Variants in CTNNA2 observed in about 807,000 individuals in gnomAD.
CTNNA2 encodes the protein catenin alpha 2.
A neutral mutation model predicts 101.0 loss-of-function variants in CTNNA2; 42 were observed. The observed-to-expected ratio is 0.42, with a 90% CI of 0.32 to 0.54. The LOEUF (loss-of-function observed/expected upper bound fraction) is 0.54. Ranked by LOEUF, CTNNA2 falls within the 20% of genes least tolerant of loss-of-function variation. The probability of loss-of-function intolerance (pLI) is 0.14; values close to 1 mark genes in which losing one functional copy is unlikely to be tolerated. For missense variants in CTNNA2, 871 were observed against 1,223.1 expected, an observed-to-expected ratio of 0.71 and a Z score of 4.29; for synonymous variants, 450 against 456.4, an observed-to-expected ratio of 0.99 and a Z score of 0.18.
chr2:79,756,457 T>C (rs1672405858), intron 3 of CTNNA2, among the ~76,000 whole-genome samples: 1 of 152,174 alleles, frequency 6.6e-6, no homozygotes, highest in African/African-American at 2.4e-5. Context: ...GAATATTACA[T>C]TTTGAGATGA....
At chr2:80,512,876 GC>G (rs1462053663) in intron 9 of CTNNA2, among the ~76,000 whole-genome samples, 35 of 151,780 alleles carry the variant, frequency 2.3e-4, no homozygotes, top group Non-Finnish European at 8.8e-5. Flanking sequence ...CTTTTGGAGG[GC>G]CGTTGTAATC....
chr2:80,078,789 TCAGCCCTTACCC>T (rs1197071992), intron 7 of CTNNA2, among the ~76,000 whole-genome samples: 2 of 152,206 alleles, frequency 1.3e-5, no homozygotes, highest in Non-Finnish European at 1.5e-5. Context: ...CATTTGGTGC[TCAGCCCTTACCC>T]CCTATGTTTT....
At chr2:79,204,600 C>G (rs1263761628) in intron 2 of CTNNA2, among the ~76,000 whole-genome samples, 1 of 152,100 alleles carries the variant, frequency 6.6e-6, no homozygotes, top group African/African-American at 2.4e-5. Flanking sequence ...TTGTGTTAGT[C>G]CTCTTTGTGC....
chr2:80,145,333 C>T (rs368811790), intron 7 of CTNNA2, among the ~76,000 whole-genome samples: 3 of 152,202 alleles, frequency 2.0e-5, no homozygotes, highest in South Asian at 2.1e-4. Context: ...GTCATTCATC[C>T]AACAAATATT....
chr2:80,190,625 G>A (rs139127608), intron 7 of CTNNA2, among the ~76,000 whole-genome samples: 3 of 152,254 alleles, frequency 2.0e-5, no homozygotes, highest in East Asian at 1.9e-4. Context: ...GTTATTCTAA[G>A]GGTATGCTGA....
chr2:79,221,553 C>T (rs927855022), intron 2 of CTNNA2, among the ~76,000 whole-genome samples: 1 of 152,172 alleles, frequency 6.6e-6, no homozygotes, highest in Admixed American at 6.5e-5. Context: ...TTATAATCAT[C>T]CTCATAAAAT....
chr2:80,399,591 A>G (rs1280966445), intron 8 of CTNNA2, among the ~76,000 whole-genome samples: 4 of 152,196 alleles, frequency 2.6e-5, no homozygotes, highest in Non-Finnish European at 5.9e-5. Context: ...AGCTTCAACT[A>G]CTGATTTATT....
intron 10 of CTNNA2, among the ~76,000 whole-genome samples, 159 bp downstream of exon 10, chr2:80,545,233 T>C (rs1691939784): frequency 6.6e-6 from 1 of 152,222 alleles, no homozygotes; most frequent in African/African-American, 2.4e-5. Flanking sequence ...GAATAAACCA[T>C]ACCAGTCTCT....
At chr2:79,785,562 AG>A (rs1305783032) in intron 3 of CTNNA2, among the ~76,000 whole-genome samples, 2 of 149,234 alleles carry the variant, frequency 1.3e-5, no homozygotes, top group African/African-American at 4.9e-5. Context: ...TTTTCCCCAC[AG>A]GAAAATGATT....
intron 7 of CTNNA2, among the ~76,000 whole-genome samples, chr2:80,227,213 G>C (rs1708938386): frequency 6.6e-6 from 1 of 152,078 alleles, no homozygotes; most frequent in Non-Finnish European, 1.5e-5. Flanking sequence ...ATTTTCATGG[G>C]CCTGTGTTTC....
At chr2:79,865,780 C>T (rs1442980333) in intron 4 of CTNNA2, among the ~76,000 whole-genome samples, 1 of 152,208 alleles carries the variant, frequency 6.6e-6, no homozygotes, top group Non-Finnish European at 1.5e-5. Flanking sequence ...AGTGCAGTGG[C>T]GCGATCTCGG....
intron 18 of CTNNA2, among the ~76,000 whole-genome samples, chr2:80,623,074 G>A (rs571803152): frequency 7.1e-6 from 1 of 140,088 alleles, no homozygotes; most frequent in Admixed American, 7.3e-5. Context: ...AAAAGTTCAA[G>A]CAGAAGTTAG....
intron 4 of CTNNA2, among the ~76,000 whole-genome samples, chr2:79,495,146 C>A (rs888960334): frequency 6.6e-6 from 1 of 152,006 alleles, no homozygotes; most frequent in African/African-American, 2.4e-5. Flanking sequence ...AAAACAACAA[C>A]TTTTGCGCTG....
chr2:79,704,792 C>T lies in CTNNA2; in HGVS notation c.103-39595C>T, dbSNP rs376193306. On this transcript the variant is annotated intron_variant, in intron 2 of 18. Transcript: ENST00000402739. ...CCTCCCAAAGTGTTCACTTGTGCTT[C>T]TTTAAAATCGAAGAATCATAAAAAG... Among the ~76,000 whole-genome samples, 10 of 152,216 alleles carry T rather than the reference C, an allele frequency of 6.6e-5. No individual in the cohort carries two copies. In the South Asian group the frequency reaches 1.5e-3, roughly 22 times the overall value.
chr2:80,318,617 A>G (rs984867575), intron 7 of CTNNA2, among the ~76,000 whole-genome samples: 1 of 152,238 alleles, frequency 6.6e-6, no homozygotes, highest in South Asian at 2.1e-4. Flanking sequence ...GGAAACATGC[A>G]ATACAAAACT....
intron 7 of CTNNA2, among the ~76,000 whole-genome samples, chr2:79,925,905 A>G (rs769002908): frequency 6.6e-5 from 10 of 151,840 alleles, no homozygotes; most frequent in Non-Finnish European, 1.3e-4. Context: ...TACCCAGATA[A>G]TTGACAGGGA....
intron 1 of CTNNA2, among the ~76,000 whole-genome samples, chr2:79,599,301 A>G (rs530016192): frequency 2.0e-5 from 3 of 152,296 alleles, no homozygotes; most frequent in East Asian, 1.9e-4. Flanking sequence ...AATGTTTTTT[A>G]ACACTGTATT....
chr2:79,676,588 A>G (rs866034566), intron 2 of CTNNA2, among the ~76,000 whole-genome samples: 33 of 152,130 alleles, frequency 2.2e-4, no homozygotes, highest in South Asian at 1.9e-3. Flanking sequence ...ACACCCTACC[A>G]CTGTCCTTGA....
At chr2:79,540,072 C>A (rs984165941) in intron 1 of CTNNA2, among the ~76,000 whole-genome samples, 2 of 152,106 alleles carry the variant, frequency 1.3e-5, no homozygotes, top group Non-Finnish European at 2.9e-5. Flanking sequence ...AACTCTGTTG[C>A]TTTTGTTTGC....
Sources: gnomAD v4.1 joint callset for allele counts (sites outside exome capture counted in the v4.1 genomes callset) on GRCh38, gnomAD v4.1.1 for gene constraint, MANE v1.5 for transcripts, NCBI Gene and HGNC (gene_info 2026-07-23, HGNC 2026-07-21) for gene names.